Variants in TLN1 observed in about 807,000 individuals in gnomAD.
TLN1 encodes the protein talin-1.
A neutral mutation model predicts 292.3 loss-of-function variants in TLN1; 56 were observed. The observed-to-expected ratio is 0.19, with a 90% confidence interval of 0.15 to 0.24. TLN1 has a LOEUF of 0.24. Among genes scored for constraint, TLN1 ranks in the 10% least tolerant of loss-of-function variants. TLN1 has a pLI of 1.00. For missense variants in TLN1, 2,433 were observed against 3,248.2 expected, an observed-to-expected ratio of 0.75 and a Z score of 6.10; for synonymous variants, 1,119 against 1,253.7, an observed-to-expected ratio of 0.89 and a Z score of 2.27.
At chr9:35,725,821 G>C in intron 1 of TLN1, 94 bp from the exon 2 acceptor site, 3 of 1,125,284 alleles carry the variant, frequency 2.7e-6, no homozygotes, top group Non-Finnish European at 3.8e-6. Context: ...GTTTTTGAAA[G>C]GGACTCACCA....
Position 35,724,171 on chromosome 9 carries a change from C to G in TLN1, c.654+21G>C. ...GAGCCCTCCCTATTCCTGCCCCACC[C>G]CAGCCAAGTCCTCTGCATACCTGCA... On this transcript the variant is annotated intron_variant, in intron 6 of 56. Coordinates refer to ENST00000314888, the MANE Select transcript of TLN1 (RefSeq NM_006289.4). This position sits in a 1 kb window ranked among gnomAD's most constrained non-coding sequence, Gnocchi z 4.7. 6.2e-7 allele frequency: 1 copy of G among 1,614,090 alleles called. No individual in the cohort carries two copies. Among genetic ancestry groups the G allele is most frequent in the Non-Finnish European group, 8.5e-7 (1 of 1,179,940 alleles).
chr9:35,698,060 A>G lies in TLN1; in HGVS notation c.7484T>C (p.Val2495Ala). The G allele has an allele frequency of 6.2e-7, 1 of 1,614,146 alleles. No homozygotes were observed. Among genetic ancestry groups the G allele is most frequent in the Non-Finnish European group, 8.5e-7 (1 of 1,180,030 alleles). Residue 2495 changes from valine (V) to alanine (A), a missense_variant, in exon 56 of 57, where the codon GTT becomes GCT. Transcript: ENST00000314888. The surrounding 1 kb of genome is among the most constrained non-coding windows in gnomAD (Gnocchi z 5.3). Reference sequence around the variant, plus strand: ...GAAGCTCACCTGGGCAATGCCGCCAACCATCTTCTCTTTCACCACCACTGT... The same window carrying G: ...GAAGCTCACCTGGGCAATGCCGCCAGCCATCTTCTCTTTCACCACCACTGT... ...NETVVVKEKM[V>A]GGIAQIIAAQ... is the part of the protein sequence containing the mutation.
chr9:35,728,999 G>A (rs1273655527), intron 1 of TLN1, among the ~76,000 whole-genome samples: 2 of 152,172 alleles, frequency 1.3e-5, no homozygotes, highest in Non-Finnish European at 2.9e-5. Flanking sequence ...AAGTCTCCAT[G>A]ATAAGTATCA....
chr9:35,725,718 C>G lies in TLN1; in HGVS notation c.-24G>C, dbSNP rs1825964482. 6.2e-7 allele frequency: 1 copy of G among 1,611,950 alleles called. No individual in the cohort carries two copies. The highest frequency in any genetic ancestry group is 1.7e-5 in the Admixed American group (1 of 59,950). ...ATGGTGGCAGCTTCTTTTCTCCAGC[C>G]TGGCTATACCTGACCCATGGCATCA... is the stretch of plus-strand genomic sequence containing the variant. On this transcript the variant is annotated 5_prime_UTR_variant, in exon 2 of 57. Coordinates refer to ENST00000314888, the MANE Select transcript of TLN1 (RefSeq NM_006289.4).
chr9:35,712,681 A>G (rs1368393640), intron 27 of TLN1, among the ~76,000 whole-genome samples, 154 bp downstream of exon 27: 12 of 151,572 alleles, frequency 7.9e-5, no homozygotes, highest in Non-Finnish European at 1.5e-5. Context: ...CTAAGAGAAC[A>G]TAAGGGTGGA....
In TLN1 at chr9:35,717,147, A is replaced by G. The variant is rs1382855484; in HGVS notation, c.2457T>C (p.Ala819=). The G allele has an allele frequency of 1.3e-6, 2 of 1,593,498 alleles. No homozygotes were observed. The highest frequency in any genetic ancestry group is 1.7e-5 in the Admixed American group (1 of 59,294). The part of the protein sequence containing the change: ...TENIFSSMGD[A]GEMVRQARIL... ...TTTTCCTGGGGGTGCGTGTCTTACCAGCATCACCCATGGAGCTAAAGATGT... is the reference window on the plus strand; with the variant it reads ...TTTTCCTGGGGGTGCGTGTCTTACCGGCATCACCCATGGAGCTAAAGATGT... The change falls in exon 19 of 57, where the codon GCT becomes GCC. Residue 819 remains alanine, a splice_region_variant and synonymous_variant. Coordinates refer to ENST00000314888, the MANE Select transcript of TLN1 (RefSeq NM_006289.4). This position sits in a 1 kb window ranked among gnomAD's most constrained non-coding sequence, Gnocchi z 4.7.
At chr9:35,709,732 C>T (rs1056194616) in intron 33 of TLN1, among the ~76,000 whole-genome samples, 1 of 142,556 alleles carries the variant, frequency 7.0e-6, no homozygotes. Flanking sequence ...ACTAAAAATA[C>T]AAAAATTAGC....
At chr9:35,703,072 G>A (rs561598253) in intron 48 of TLN1, among the ~76,000 whole-genome samples, 1 of 152,046 alleles carries the variant, frequency 6.6e-6, no homozygotes. Context: ...AGGCCAAGGC[G>A]GGTGGATCAC....
At position 35,700,357 on chromosome 9, in the gene TLN1, G is replaced by A; in HGVS notation, c.6494C>T (p.Pro2165Leu). The stretch of plus-strand genomic sequence containing the variant: ...TTCTGGGGTAGAGGTCTTGGCAGGT[G>A]GCTCTGGGGAACAGAAAACCTGTGG... ...QELAVFCSPE[P>L]PAKTSTPEDF... Residue 2165 changes from proline to leucine, a missense_variant, in exon 49 of 57, where the codon CCA becomes CTA. Pro to Leu is a moderately conservative substitution (Grantham distance 98). This residue lies in a region of TLN1 where 1,384 missense variants were observed against 1,699.6 expected (regional missense o/e 0.81). Coordinates refer to ENST00000314888, the MANE Select transcript of TLN1 (RefSeq NM_006289.4). The A allele has an allele frequency of 6.2e-7, 1 of 1,600,130 alleles. No individual in the cohort carries two copies. The highest frequency in any genetic ancestry group is 8.6e-7 in the Non-Finnish European group (1 of 1,168,584).
chr9:35,710,484 T>C, intron 33 of TLN1, 77 bp downstream of exon 33: 5 of 1,548,774 alleles, frequency 3.2e-6, no homozygotes, highest in East Asian at 2.3e-5. Context: ...TTGATTTATC[T>C]ACAGGTATGT....
intron 27 of TLN1, among the ~76,000 whole-genome samples, chr9:35,712,415 G>T (rs1265699299): frequency 6.6e-6 from 1 of 152,170 alleles, no homozygotes; most frequent in African/African-American, 2.4e-5. Flanking sequence ...GGAGGCCGAG[G>T]GGGGCAGATC....
In TLN1 at chr9:35,717,195, G is replaced by A; in HGVS notation, c.2409C>T (p.Asp803=). The change falls in exon 19 of 57, where the codon GAC becomes GAT. Residue 803 remains aspartate, a synonymous_variant. Coordinates refer to ENST00000314888, the MANE Select transcript of TLN1 (RefSeq NM_006289.4). This position sits in a 1 kb window ranked among gnomAD's most constrained non-coding sequence, Gnocchi z 4.7. ...TGTTCTCAGTGACGGTTAGGATGGT[G>A]TCAGTAGCCTGGTCATAACGGCCAG... ...GPAGRYDQAT[D]TILTVTENIF... 1 of 1,613,250 alleles carries A rather than the reference G, an allele frequency of 6.2e-7. No individual in the cohort carries two copies. Among genetic ancestry groups the A allele is most frequent in the Non-Finnish European group, 8.5e-7 (1 of 1,179,200 alleles).
chr9:35,720,777 G>A (rs1230765257), intron 11 of TLN1, 35 bp downstream of exon 11: 20 of 1,584,324 alleles, frequency 1.3e-5, no homozygotes, highest in Non-Finnish European at 1.6e-5. Context: ...AGGGCAAGAG[G>A]CGATAAGGAG....
chr9:35,697,969 A>G, intron 56 of TLN1, 53 bp from the exon 57 acceptor site: 1 of 1,613,824 alleles, frequency 6.2e-7, no homozygotes, highest in South Asian at 1.1e-5. Flanking sequence ...GCAGGGGCAT[A>G]GGGTAGTTGG....
In TLN1 at chr9:35,705,561, T is replaced by G; in HGVS notation, c.5723A>C (p.Glu1908Ala). Residue 1908 changes from glutamate to alanine, a missense_variant, in exon 43 of 57, where the codon GAA (glutamate) becomes GCA (alanine). Physicochemically the swap from Glu to Ala is moderately radical, Grantham distance 107. Around this residue, in one of 7 missense-constraint regions of TLN1, gnomAD observed 1,384 missense variants for 1,699.6 expected, o/e 0.81. Transcript: ENST00000314888. ...TGCCTCCACGTTTACCTCTTCATTT[T>G]CAGCAGCCACCGCTGCAGGCTTGGC... ...SEAKPAAVAA[E>A]NEEIGSHIKH... 6.3e-7 allele frequency: 1 copy of G among 1,587,738 alleles called. No individual in the cohort carries two copies. The highest frequency in any genetic ancestry group is 8.6e-7 in the Non-Finnish European group (1 of 1,164,948).
At position 35,724,130 on chromosome 9, in the gene TLN1, C is replaced by T. The variant is rs373052691; in HGVS notation, c.655-51G>A. 215 of 1,613,456 alleles carry T rather than the reference C, an allele frequency of 1.3e-4. No homozygotes were observed. Among genetic ancestry groups the T allele is most frequent in the African/African-American group, 1.9e-4 (14 of 75,022 alleles). ...AATGTTGTGTGTGGGTGCAAGGACA[C>T]GCACACTGTGCTTCCGAGCCCTCCC... On this transcript the variant is annotated intron_variant, in intron 6 of 56. Coordinates refer to ENST00000314888, the MANE Select transcript of TLN1 (RefSeq NM_006289.4). The surrounding 1 kb of genome is among the most constrained non-coding windows in gnomAD (Gnocchi z 4.7).
chr9:35,723,251 G>A (rs935760850), intron 7 of TLN1: 24 of 239,630 alleles, frequency 1.0e-4, no homozygotes, highest in Admixed American at 8.4e-4. Context: ...ACAGGCATGT[G>A]CCACCACGCC....
intron 48 of TLN1, among the ~76,000 whole-genome samples, chr9:35,702,713 G>A (rs1369417034): frequency 6.6e-6 from 1 of 151,776 alleles, no homozygotes; most frequent in African/African-American, 2.4e-5. Context: ...GGCTGGTCTC[G>A]AACTCCCGAC....
intron 48 of TLN1, among the ~76,000 whole-genome samples, chr9:35,701,536 G>A (rs1040755269): frequency 6.6e-5 from 10 of 152,158 alleles, no homozygotes; most frequent in South Asian, 2.1e-4. Flanking sequence ...CTTCCAAAGC[G>A]CTGGGATTTT....
Sources: allele counts gnomAD v4.1 joint callset (sites outside exome capture counted in the v4.1 genomes callset), GRCh38; gene constraint gnomAD v4.1.1; regional missense constraint gnomAD v4.1.1; non-coding constraint Gnocchi (gnomAD v3.1); transcripts MANE v1.5; gene names NCBI Gene and HGNC (gene_info 2026-07-23, HGNC 2026-07-21).